CSMD1: variants seen among roughly 807,000 people sequenced by gnomAD.
The protein encoded by CSMD1 is CUB and sushi domain-containing protein 1.
A neutral mutation model predicts 417.5 loss-of-function variants in CSMD1; 213 were observed. That is an observed-to-expected ratio of 0.51 (90% confidence interval 0.46 to 0.57). The LOEUF is 0.57. Ranked by LOEUF, CSMD1 falls within the 20% of genes least tolerant of loss-of-function variation. The probability of loss-of-function intolerance (pLI) is 0.00; values close to 1 mark genes in which losing one functional copy is unlikely to be tolerated. For missense variants in CSMD1, 6,923 were observed against 4,529.7 expected, an observed-to-expected ratio of 1.53 and a Z score of -15.17; for synonymous variants, 2,862 against 1,736.8, an observed-to-expected ratio of 1.65 and a Z score of -16.11.
intron 7 of CSMD1, among the ~76,000 whole-genome samples, chr8:3,630,841 C>T (rs968373405): frequency 5.9e-5 from 9 of 152,122 alleles, no homozygotes; most frequent in Non-Finnish European, 5.9e-5. Flanking sequence ...CTCAGATCCC[C>T]ACAGGCAACC....
At chr8:3,422,563 C>G (rs1441478699) in intron 12 of CSMD1, among the ~76,000 whole-genome samples, 1 of 151,978 alleles carries the variant, frequency 6.6e-6, no homozygotes, top group Non-Finnish European at 1.5e-5. Flanking sequence ...GAAGACAAAA[C>G]AGTAAATTTT....
chr8:4,407,289 G>A (rs1012376624), intron 3 of CSMD1, among the ~76,000 whole-genome samples: 1 of 152,084 alleles, frequency 6.6e-6, no homozygotes, highest in Non-Finnish European at 1.5e-5. Flanking sequence ...AATTTCATAG[G>A]AATAAAATCA....
intron 1 of CSMD1, among the ~76,000 whole-genome samples, chr8:4,688,580 A>G (rs1806556305): frequency 7.9e-5 from 12 of 152,198 alleles, no homozygotes; most frequent in Non-Finnish European, 1.8e-4. Flanking sequence ...CAGCAGTCAG[A>G]GAGTGAACAC....
At chr8:3,887,202 T>A (rs532057048) in intron 5 of CSMD1, among the ~76,000 whole-genome samples, 1 of 152,106 alleles carries the variant, frequency 6.6e-6, no homozygotes, top group Non-Finnish European at 1.5e-5. Flanking sequence ...CCAGAGGCAA[T>A]CAGCGTCAAC....
intron 3 of CSMD1, among the ~76,000 whole-genome samples, chr8:4,287,194 T>C (rs978613784): frequency 1.3e-5 from 2 of 152,246 alleles, no homozygotes; most frequent in African/African-American, 2.4e-5. Flanking sequence ...AGTTTAATTT[T>C]ACTCACATAG....
chr8:3,024,951 CCTAAAACTGTGTATTGTGTGGTGTTATT>C (rs1360110194), intron 51 of CSMD1, among the ~76,000 whole-genome samples: 3 of 151,006 alleles, frequency 2.0e-5, no homozygotes, highest in Admixed American at 6.6e-5. Context: ...ATACACGTGC[CCTAAAACTGTGTATTGTGTGGTGTTATT>C]CTAAAACTGT....
intron 26 of CSMD1, among the ~76,000 whole-genome samples, chr8:3,232,300 ACT>A (rs533372790): frequency 1.3e-5 from 2 of 150,856 alleles, no homozygotes; most frequent in African/African-American, 2.4e-5. Flanking sequence ...AAGTTCTGTG[ACT>A]CTCTCTGTCT....
Position 3,087,153 on chromosome 8 carries a change from C to T in CSMD1, c.7418G>A (p.Cys2473Tyr), listed in dbSNP as rs1359216836. 1 of 1,613,890 alleles carries T rather than the reference C, an allele frequency of 6.2e-7. No homozygotes were observed. The highest frequency in any genetic ancestry group is 8.5e-7 in the Non-Finnish European group (1 of 1,179,902). ...YRMVGHSNAT[C>Y]RRNPLGMYQW... Reference sequence around the variant, plus strand: ...GTACATGCCAAGTGGGTTTCGTCTACAGGTTGCATTGCTGTGGCCGACCAT... The same window carrying T: ...GTACATGCCAAGTGGGTTTCGTCTATAGGTTGCATTGCTGTGGCCGACCAT... Residue 2473 changes from cysteine (C) to tyrosine (Y), a missense_variant, in exon 49 of 70, where the codon TGT becomes TAT. Transcript: ENST00000635120.
rs144571593 is a variant in CSMD1 at position 3,618,589 on chromosome 8, A to C, written c.1010-1792T>G. Among the ~76,000 whole-genome samples the C allele has an allele frequency of 6.2e-4, 94 of 152,220 alleles. 1 individual carries two copies. The highest frequency in any genetic ancestry group is 2.1e-3 in the African/African-American group (89 of 41,552). The stretch of plus-strand genomic sequence containing the variant: ...CAATATTATATCAAAATAATCCAGC[A>C]AGTTTGGTGATAGCATCAGTAGATA... On this transcript the variant is annotated intron_variant, in intron 7 of 69. Coordinates refer to ENST00000635120, the MANE Select transcript of CSMD1 (RefSeq NM_033225.6).
chr8:3,996,512 G>T (rs1585101840), intron 5 of CSMD1, among the ~76,000 whole-genome samples: 1 of 151,718 alleles, frequency 6.6e-6, no homozygotes, highest in Admixed American at 6.6e-5. Context: ...TTTGCTTTTG[G>T]CAGAACCTGT....
chr8:3,977,768 CTTAG>C (rs1813551813), intron 5 of CSMD1, among the ~76,000 whole-genome samples: 3 of 152,158 alleles, frequency 2.0e-5, no homozygotes, highest in Non-Finnish European at 4.4e-5. Flanking sequence ...TGCATGTATG[CTTAG>C]TTAATTTGCT....
chr8:4,577,516 C>G (rs1449831590), intron 2 of CSMD1, among the ~76,000 whole-genome samples: 1 of 152,204 alleles, frequency 6.6e-6, no homozygotes, highest in Non-Finnish European at 1.5e-5. Context: ...TTGCCATCCA[C>G]AGCCCATCCA....
At chr8:3,954,593 A>C (rs1326406259) in intron 5 of CSMD1, among the ~76,000 whole-genome samples, 1 of 152,088 alleles carries the variant, frequency 6.6e-6, no homozygotes, top group African/African-American at 2.4e-5. Flanking sequence ...GGAACGCCTG[A>C]CCTCGTGATC....
intron 1 of CSMD1, among the ~76,000 whole-genome samples, chr8:4,765,462 T>C (rs1812402555): frequency 6.6e-6 from 1 of 152,210 alleles, no homozygotes; most frequent in African/African-American, 2.4e-5. Context: ...TTAAATGCAG[T>C]TCAGTTCAAA....
At chr8:2,985,237 T>G (rs747989133) in intron 54 of CSMD1, among the ~76,000 whole-genome samples, 56 of 152,252 alleles carry the variant, frequency 3.7e-4, no homozygotes, top group Admixed American at 8.5e-4. Flanking sequence ...AAAAGAATCC[T>G]GTGGCCCCAT....
intron 10 of CSMD1, among the ~76,000 whole-genome samples, chr8:3,497,165 G>T (rs940195599): frequency 6.6e-6 from 1 of 152,086 alleles, no homozygotes; most frequent in Non-Finnish European, 1.5e-5. Flanking sequence ...GGTCCATTTG[G>T]TCTACACTAT....
At chr8:3,153,073 T>C (rs1156364747) in intron 39 of CSMD1, among the ~76,000 whole-genome samples, 1 of 152,092 alleles carries the variant, frequency 6.6e-6, no homozygotes, top group Non-Finnish European at 1.5e-5. Context: ...AGAGAGAAGG[T>C]CAGTACAAAA....
chr8:3,972,447 A>G (rs1813153287), intron 5 of CSMD1, among the ~76,000 whole-genome samples: 1 of 152,210 alleles, frequency 6.6e-6, no homozygotes, highest in Admixed American at 6.5e-5. Flanking sequence ...GTCTTTGTAA[A>G]CAGTGATTCC....
At chr8:4,486,343 C>A (rs994387572) in intron 2 of CSMD1, among the ~76,000 whole-genome samples, 2 of 149,420 alleles carry the variant, frequency 1.3e-5, no homozygotes, top group Admixed American at 1.3e-4. Flanking sequence ...TAATTTGCGA[C>A]GATTCTACCA....
Sources: allele counts gnomAD v4.1 joint callset (sites outside exome capture counted in the v4.1 genomes callset), GRCh38; gene constraint gnomAD v4.1.1; transcripts MANE v1.5; gene names NCBI Gene and HGNC (gene_info 2026-07-23, HGNC 2026-07-21).